SETD7: variants seen among roughly 807,000 people sequenced by gnomAD.
SETD7 encodes the protein SET domain containing 7, histone lysine methyltransferase, also known as histone-lysine N-methyltransferase SETD7.
SETD7 carries 16 observed loss-of-function variants against 41.8 expected under a neutral mutation model. The ratio of observed to expected loss-of-function variants is 0.38; its 90% CI spans 0.26 to 0.58. SETD7 has a LOEUF of 0.58. Ranked by LOEUF, SETD7 falls within the 20% of genes least tolerant of loss-of-function variation. The pLI is 0.64. For synonymous variants in SETD7, 163 were observed against 169.7 expected, an observed-to-expected ratio of 0.96 and a Z score of 0.31; for missense variants, 346 against 459.7, an observed-to-expected ratio of 0.75 and a Z score of 2.26.
chr4:139,511,737 C>A lies in SETD7; in HGVS notation c.1027G>T (p.Gly343Trp). 6.2e-7 allele frequency: 1 copy of A among 1,613,962 alleles called. No individual in the cohort carries two copies. The highest frequency in any genetic ancestry group is 2.2e-5 in the East Asian group (1 of 44,882). The stretch of plus-strand genomic sequence containing the variant: ...TCAGGGGCTTCAGGCCCACTCTTCC[C>A]GGGGGGGCTGTGGTCATAGCCATAG... ...VAYGYDHSPP[G>W]KSGPEAPEWY... The change falls in exon 8 of 8, where the codon GGG becomes TGG. Residue 343 changes from glycine (G) to tryptophan (W), a missense_variant. Transcript: ENST00000274031.
chr4:139,501,807 T>C (rs1726582723), downstream of SETD7, among the ~76,000 whole-genome samples: 1 of 152,150 alleles, frequency 6.6e-6, no homozygotes, highest in South Asian at 2.1e-4. Flanking sequence ...GGTCTGGCAG[T>C]GTCCATCCAC....
chr4:139,508,791 G>A lies in SETD7; in HGVS notation c.*2872C>T, dbSNP rs115604250. On this transcript the variant is annotated 3_prime_UTR_variant, in exon 8 of 8. Transcript: ENST00000274031. ...GATGTAAAGTAGAAAAATACATTCT[G>A]AGTATTCTTTTCCACTTGCGTTTAG... 1.3e-4 allele frequency: 20 copies of A among 152,322 alleles called. No individual in the cohort carries two copies. Among genetic ancestry groups the A allele is most frequent in the African/African-American group, 3.6e-4 (15 of 41,560 alleles). 9.4% of individuals were successfully genotyped at this position (152,322 alleles called of 1,614,324 possible).
intron 4 of SETD7, among the ~76,000 whole-genome samples, chr4:139,526,352 C>A (rs1397510029): frequency 6.6e-6 from 1 of 151,856 alleles, no homozygotes; most frequent in Non-Finnish European, 1.5e-5. Context: ...TCACTGCAGC[C>A]CTGACTTCCT....
At position 139,547,004 on chromosome 4, in the gene SETD7, G is replaced by A. The variant is rs1234582206; in HGVS notation, c.86C>T (p.Thr29Ile). ...DGLPHGFCTV[T>I]YSSTDRFEGN... The stretch of plus-strand genomic sequence containing the variant: ...CTCAAATCTGTCTGTGGAGGAGTAG[G>A]TGACTGTGCAGAACCCGTGCGGTAA... The change falls in exon 2 of 8, where the codon ACC (threonine) becomes ATC (isoleucine). Residue 29 changes from threonine to isoleucine, a missense_variant. Transcript: ENST00000274031. 11 of 1,614,030 alleles carry A rather than the reference G, an allele frequency of 6.8e-6. No individual in the cohort carries two copies. The Admixed American group carries it at 1.8e-4, about 27-fold the overall frequency.
chr4:139,497,581 GT>G (rs1292663680), intron 7 of SETD7, among the ~76,000 whole-genome samples: 5 of 149,656 alleles, frequency 3.3e-5, no homozygotes, highest in Non-Finnish European at 6.0e-5. Context: ...TGTTTTTTTT[GT>G]TTTTTTGTTT....
At position 139,542,845 on chromosome 4, in the gene SETD7, C is replaced by T. The variant is rs72941374; in HGVS notation, c.170+4075G>A. Among the ~76,000 whole-genome samples, 805 of 152,220 alleles carry T rather than the reference C, an allele frequency of 5.3e-3. 10 individuals are homozygous for T. The highest frequency in any genetic ancestry group is 0.019 in the African/African-American group (769 of 41,534). On this transcript the variant is annotated intron_variant, in intron 2 of 7. Transcript: ENST00000274031. The stretch of plus-strand genomic sequence containing the variant: ...AATTCTTATTCAGATTTATCTCATT[C>T]GATGTCAAGGGAAACACTGATTCTA...
intron 7 of SETD7, among the ~76,000 whole-genome samples, chr4:139,517,634 G>C (rs867378499): frequency 6.6e-6 from 1 of 152,058 alleles, no homozygotes; most frequent in African/African-American, 2.4e-5. Flanking sequence ...GCAACCCCTC[G>C]GTGTGGTATA....
At chr4:139,501,581 G>A (rs532223715), downstream of SETD7, among the ~76,000 whole-genome samples, 7 of 150,448 alleles carry the variant, frequency 4.7e-5, no homozygotes, top group Non-Finnish European at 7.4e-5. Flanking sequence ...AAAAGCTATT[G>A]AAATATATTT....
Position 139,506,944 on chromosome 4 carries a change from G to A in SETD7, c.*4719C>T. ...CTTGGGTGCATAGTCTTCCAGAGCT[G>A]AGACAGGAAATGTACTGTGCTGAGA... On this transcript the variant is annotated 3_prime_UTR_variant, in exon 8 of 8. Transcript: ENST00000274031. 1 of 152,636 alleles carries A rather than the reference G, an allele frequency of 6.6e-6. No individual in the cohort carries two copies. Among genetic ancestry groups the A allele is most frequent in the Non-Finnish European group, 1.5e-5 (1 of 68,040 alleles). 9.5% of individuals were successfully genotyped at this position (152,636 alleles called of 1,614,324 possible). A position where few individuals can be genotyped will look rare whatever the true frequency, so the allele number is the denominator to read the frequency against.
intron 2 of SETD7, among the ~76,000 whole-genome samples, chr4:139,540,360 C>G (rs17050815): frequency 6.6e-6 from 1 of 152,158 alleles, no homozygotes; most frequent in Non-Finnish European, 1.5e-5. Context: ...TAACATTTCA[C>G]AACTATGGCT....
rs899151980 is a variant in SETD7, at chr4:139,555,350, G to C, written c.40+748C>G. Among the ~76,000 whole-genome samples the C allele has an allele frequency of 1.3e-5, 2 of 151,784 alleles. No homozygotes were observed. The highest frequency in any genetic ancestry group is 6.6e-5 in the Admixed American group (1 of 15,258). ...AAGTTAAGTGTCACCCAGCAATCTC[G>C]GTGCGGACTCGCGGCGCGCCTGCAC... On this transcript the variant is annotated intron_variant, in intron 1 of 7. Transcript: ENST00000274031. This position sits in a 1 kb window ranked among gnomAD's most constrained non-coding sequence, Gnocchi z 4.0.
chr4:139,511,122 A>C lies in SETD7; in HGVS notation c.*541T>G, dbSNP rs1560675143. The stretch of plus-strand genomic sequence containing the variant: ...GGCTGAGGGGTGAAATGACTTTAGA[A>C]GTGGGCTCCTATTTACTAAGAAAAA... On this transcript the variant is annotated 3_prime_UTR_variant, in exon 8 of 8. Transcript: ENST00000274031. 1 of 154,722 alleles carries C rather than the reference A, an allele frequency of 6.5e-6. No individual in the cohort carries two copies. The highest frequency in any genetic ancestry group is 2.4e-5 in the African/African-American group (1 of 41,468). The allele number at this position is 154,722 out of a possible 1,614,324, so 9.6% of individuals were successfully genotyped here. A position where few individuals can be genotyped will look rare whatever the true frequency, so the allele number is the denominator to read the frequency against.
downstream of SETD7, among the ~76,000 whole-genome samples, chr4:139,503,389 GAGC>G (rs1251292358): frequency 6.6e-6 from 1 of 151,940 alleles, no homozygotes; most frequent in African/African-American, 2.4e-5. Context: ...ATGGTTAGGA[GAGC>G]AGCAAGGAGC....
downstream of SETD7, among the ~76,000 whole-genome samples, chr4:139,504,143 C>T (rs1726648357): frequency 6.6e-6 from 1 of 152,126 alleles, no homozygotes; most frequent in Non-Finnish European, 1.5e-5. Context: ...TTACTTAGGC[C>T]ATATTGAGTT....
chr4:139,551,887 T>C (rs1247622541), intron 1 of SETD7, among the ~76,000 whole-genome samples: 2 of 152,116 alleles, frequency 1.3e-5, no homozygotes, highest in Non-Finnish European at 2.9e-5. Flanking sequence ...ACAACAATAA[T>C]AAAAGGCAAG....
intron 2 of SETD7, among the ~76,000 whole-genome samples, chr4:139,534,503 C>G (rs1476472155): frequency 6.6e-6 from 1 of 152,156 alleles, no homozygotes; most frequent in African/African-American, 2.4e-5. Flanking sequence ...ATCCTCCCAC[C>G]TCAGCCTCCC....
chr4:139,554,881 C>CT (rs1445425549), intron 1 of SETD7, among the ~76,000 whole-genome samples: 1 of 152,086 alleles, frequency 6.6e-6, no homozygotes, highest in East Asian at 1.9e-4. Flanking sequence ...ACCATGTATC[C>CT]TTATGCATTT....
intron 7 of SETD7, among the ~76,000 whole-genome samples, chr4:139,496,911 G>A (rs952628609): frequency 9.2e-6 from 1 of 108,408 alleles, no homozygotes; most frequent in Non-Finnish European, 2.0e-5. Context: ...CAGAGTCCGA[G>A]TGCTATAATA....
At chr4:139,551,528 GAGCCAGGCC>G (rs1728110494) in intron 1 of SETD7, among the ~76,000 whole-genome samples, 1 of 152,092 alleles carries the variant, frequency 6.6e-6, no homozygotes, top group Non-Finnish European at 1.5e-5. Context: ...AATCTGATAA[GAGCCAGGCC>G]TATATTCTAA....
Sources: gnomAD v4.1 joint callset for allele counts (sites outside exome capture counted in the v4.1 genomes callset) on GRCh38, gnomAD v4.1.1 for gene constraint, Gnocchi (gnomAD v3.1) non-coding constraint, MANE v1.5 for transcripts, NCBI Gene and HGNC (gene_info 2026-07-23, HGNC 2026-07-21) for gene names.